The following ANK1 variants were observed in gnomAD, a reference collection of about 807,000 sequenced individuals.
The protein encoded by ANK1 is ankyrin 1, also known as ankyrin-1.
A neutral mutation model predicts 210.4 loss-of-function variants in ANK1; 51 were observed. The observed-to-expected ratio is 0.24, with a 90% CI of 0.19 to 0.31. ANK1 has a LOEUF of 0.31. Among genes scored for constraint, ANK1 ranks in the 10% least tolerant of loss-of-function variants. ANK1 has a pLI of 1.00. For synonymous variants in ANK1, 967 were observed against 1,025.9 expected, an observed-to-expected ratio of 0.94 and a Z score of 1.10; for missense variants, 2,051 against 2,504.4, an observed-to-expected ratio of 0.82 and a Z score of 3.86.
At chr8:41,725,542 C>A (rs1830459628) in intron 6 of ANK1, among the ~76,000 whole-genome samples, 2 of 152,208 alleles carry the variant, frequency 1.3e-5, no homozygotes, top group Admixed American at 6.5e-5. Context: ...ACAGGAACCA[C>A]CCCCGCTGCT....
chr8:41,661,282 G>A, intron 42 of ANK1, 148 bp downstream of exon 42: 1 of 1,229,484 alleles, frequency 8.1e-7, no homozygotes, highest in South Asian at 1.3e-5. Context: ...AGCAGGGTTG[G>A]GAAGTGAGAA....
At chr8:41,831,646 AAAAAAAAAAGAAG>A (rs1470810598) in intron 1 of ANK1, among the ~76,000 whole-genome samples, 1 of 130,210 alleles carries the variant, frequency 7.7e-6, no homozygotes. Context: ...TGTCAAAAAA[AAAAAAAAAAGAAG>A]AAGAAAAAGA....
At chr8:41,789,726 G>A (rs967968533) in intron 1 of ANK1, among the ~76,000 whole-genome samples, 1 of 152,178 alleles carries the variant, frequency 6.6e-6, no homozygotes, top group Non-Finnish European at 1.5e-5. Context: ...TGGGAACCTC[G>A]CTGGGAAACA....
intron 1 of ANK1, among the ~76,000 whole-genome samples, chr8:41,761,976 C>G (rs978605477): frequency 4.6e-5 from 7 of 152,312 alleles, no homozygotes; most frequent in African/African-American, 1.7e-4. Context: ...CAACCTCCTC[C>G]ATCCCTGCCT....
chr8:41,777,198 T>C (rs1233326034), intron 1 of ANK1, among the ~76,000 whole-genome samples: 2 of 152,170 alleles, frequency 1.3e-5, no homozygotes, highest in Non-Finnish European at 2.9e-5. Flanking sequence ...CTAAGGTATG[T>C]CTCTAATCTG....
intron 1 of ANK1, among the ~76,000 whole-genome samples, chr8:41,764,082 A>C (rs923173212): frequency 6.6e-6 from 1 of 151,890 alleles, no homozygotes; most frequent in Non-Finnish European, 1.5e-5. Flanking sequence ...CTGCTAGGGC[A>C]AAGAGAGAAT....
At chr8:41,665,315 A>G (rs921056193) in intron 39 of ANK1, 23 of 1,370,522 alleles carry the variant, frequency 1.7e-5, no homozygotes, top group Admixed American at 1.1e-4. Flanking sequence ...TACCTCCCCA[A>G]ACCAGCTGCC....
chr8:41,692,864 C>G lies in ANK1; in HGVS notation c.3642G>C (p.Ser1214=), dbSNP rs189437840. ...TTNVSARFWL[S]DCPRTAEAVN... ...CAGCCTCAGCAGTCCGAGGACAGTC[C>G]GACAGCCAAAACCTAAAAAGTAGGG... The change falls in exon 31 of 43, where the codon TCG becomes TCC. Residue 1214 remains serine (S), a synonymous_variant. Transcript: ENST00000289734. The G allele has an allele frequency of 1.2e-6, 2 of 1,613,888 alleles. No individual in the cohort carries two copies. The highest frequency in any genetic ancestry group is 3.3e-5 in the Admixed American group (2 of 60,022).
chr8:41,679,309 T>G (rs1250523934), intron 37 of ANK1, among the ~76,000 whole-genome samples: 1 of 152,212 alleles, frequency 6.6e-6, no homozygotes, highest in Non-Finnish European at 1.5e-5. Flanking sequence ...GGAAGTAGTT[T>G]GATCCTTTTG....
At chr8:41,780,814 G>T (rs1845151937) in intron 1 of ANK1, among the ~76,000 whole-genome samples, 2 of 152,134 alleles carry the variant, frequency 1.3e-5, no homozygotes, top group South Asian at 4.1e-4. Flanking sequence ...ATGTATCTGT[G>T]CATGCATGCA....
At chr8:41,803,011 A>AAGAAAGAAAGAG (rs1850212579) in intron 1 of ANK1, among the ~76,000 whole-genome samples, 1 of 95,248 alleles carries the variant, frequency 1.0e-5, no homozygotes. Context: ...GAAAGAAAGA[A>AAGAAAGAAAGAG]AGAAAGAAAG....
chr8:41,827,847 G>T (rs933604878), intron 1 of ANK1, among the ~76,000 whole-genome samples: 7 of 112,730 alleles, frequency 6.2e-5, no homozygotes, highest in Non-Finnish European at 1.9e-5. Context: ...ATGCACACAC[G>T]CATACATACA....
intron 37 of ANK1, among the ~76,000 whole-genome samples, chr8:41,674,401 C>T (rs1297752878): frequency 6.6e-6 from 1 of 152,230 alleles, no homozygotes; most frequent in African/African-American, 2.4e-5. Context: ...TCCTGTTGCT[C>T]CCTCCCATCT....
intron 1 of ANK1, among the ~76,000 whole-genome samples, chr8:41,775,254 C>T (rs1307586500): frequency 1.3e-5 from 2 of 152,190 alleles, no homozygotes; most frequent in African/African-American, 4.8e-5. Context: ...CAGGCGGGGC[C>T]GACCAGGGGG....
At chr8:41,835,140 C>CG (rs1807408242) in intron 1 of ANK1, among the ~76,000 whole-genome samples, 1 of 152,198 alleles carries the variant, frequency 6.6e-6, no homozygotes. Flanking sequence ...ATTGGAGGGC[C>CG]GGGGGTCCCT....
rs374840455 is a variant in ANK1, at chr8:41,791,050, G to T, written c.27+6462C>A. On this transcript the variant is annotated intron_variant, in intron 1 of 42. Transcript: ENST00000289734. ...CAGAGGGCACCAGGTGGCTGCACAA[G>T]CCGCTAATAGGTTTTCTGAGTAGCT... Among the ~76,000 whole-genome samples the T allele has an allele frequency of 9.5e-4, 145 of 152,276 alleles. 2 individuals are homozygous for T. The South Asian group carries it at 0.029, about 30-fold the overall frequency.
At position 41,725,956 on chromosome 8, in the gene ANK1, G is replaced by A. The variant is rs773889034; in HGVS notation, c.427-10C>T. On this transcript the variant is annotated splice_polypyrimidine_tract_variant and intron_variant, in intron 5 of 42. Transcript: ENST00000289734. ...GAGGCGTGAAGCCGTCCTGGCCAGA[G>A]GAGGAAAATGCTTTGCTCTGACTCG... The A allele has an allele frequency of 3.1e-6, 5 of 1,612,482 alleles. 1 individual carries two copies. In the East Asian group the frequency reaches 1.1e-4, roughly 36 times the overall value.
At chr8:41,703,450 A>ATATATATATATTT (rs59985416) in intron 20 of ANK1, among the ~76,000 whole-genome samples, 2 of 58,818 alleles carry the variant, frequency 3.4e-5, no homozygotes, top group Non-Finnish European at 5.6e-5. Context: ...ATATATATAT[A>ATATATATATATTT]TTTTTTTTTT....
chr8:41,684,012 C>T (rs943957881), intron 37 of ANK1, among the ~76,000 whole-genome samples: 1 of 152,212 alleles, frequency 6.6e-6, no homozygotes, highest in Non-Finnish European at 1.5e-5. Flanking sequence ...CCAGGAAGAG[C>T]AAACTGCTCA....
Sources: gnomAD v4.1 joint callset for allele counts (sites outside exome capture counted in the v4.1 genomes callset) on GRCh38, gnomAD v4.1.1 for gene constraint, MANE v1.5 for transcripts, NCBI Gene and HGNC (gene_info 2026-07-23, HGNC 2026-07-21) for gene names.